Variants in PTPRT observed in about 807,000 individuals in gnomAD.
The protein encoded by PTPRT is receptor-type tyrosine-protein phosphatase T.
PTPRT carries 56 observed loss-of-function variants against 176.8 expected under a neutral mutation model. The ratio of observed to expected loss-of-function variants is 0.32; its 90% confidence interval spans 0.26 to 0.40. PTPRT has a LOEUF of 0.40. Among genes scored for constraint, PTPRT ranks in the 10% least tolerant of loss-of-function variants. PTPRT has a pLI of 1.00. For synonymous variants in PTPRT, 783 were observed against 739.0 expected (o/e 1.06, Z -0.96); for missense variants, 1,540 against 1,908.2 (o/e 0.81, Z 3.60).
intron 2 of PTPRT, among the ~76,000 whole-genome samples, chr20:42,793,617 G>A (rs75335178): frequency 3.9e-5 from 6 of 152,122 alleles, no homozygotes; most frequent in South Asian, 2.1e-4. Context: ...TTTTATGGCC[G>A]TGCAGTAACA....
chr20:42,644,489 T>A (rs1444206977), intron 7 of PTPRT, among the ~76,000 whole-genome samples: 1 of 152,168 alleles, frequency 6.6e-6, no homozygotes, highest in African/African-American at 2.4e-5. Flanking sequence ...CTTATCAATA[T>A]GCTCTTCATC....
chr20:42,086,751 A>C (rs2866945), intron 27 of PTPRT, among the ~76,000 whole-genome samples: 1 of 96,598 alleles, frequency 1.0e-5, no homozygotes, highest in South Asian at 3.7e-4. Context: ...AAAAAAAAAA[A>C]AAATATATAT....
At chr20:43,097,357 T>G (rs1027696634) in intron 1 of PTPRT, among the ~76,000 whole-genome samples, 1 of 152,206 alleles carries the variant, frequency 6.6e-6, no homozygotes. Context: ...AGAGTCATTG[T>G]GAGTACCTGC....
At chr20:42,136,420 C>A (rs1327112511) in intron 18 of PTPRT, among the ~76,000 whole-genome samples, 1 of 152,084 alleles carries the variant, frequency 6.6e-6, no homozygotes, top group Admixed American at 6.6e-5. Context: ...TAAAGGTCTG[C>A]ACATTCAATC....
intron 1 of PTPRT, among the ~76,000 whole-genome samples, chr20:42,914,653 C>T (rs1446451936): frequency 6.6e-6 from 1 of 152,100 alleles, no homozygotes; most frequent in African/African-American, 2.4e-5. Context: ...GAAACACAAA[C>T]GGATCAGTGC....
intron 7 of PTPRT, among the ~76,000 whole-genome samples, chr20:42,676,627 C>T (rs1387939320): frequency 6.6e-6 from 1 of 151,990 alleles, no homozygotes; most frequent in Non-Finnish European, 1.5e-5. Flanking sequence ...AGTGTAATTC[C>T]TGACCGTACC....
At chr20:43,116,844 G>T (rs1379298422) in intron 1 of PTPRT, among the ~76,000 whole-genome samples, 1 of 152,140 alleles carries the variant, frequency 6.6e-6, no homozygotes, top group African/African-American at 2.4e-5. Context: ...GACTCCATGT[G>T]GTTGAAGCAT....
At chr20:42,257,159 C>T (rs1198813524) in intron 13 of PTPRT, among the ~76,000 whole-genome samples, 1 of 152,190 alleles carries the variant, frequency 6.6e-6, no homozygotes, top group Non-Finnish European at 1.5e-5. Flanking sequence ...CTCTTTGCCA[C>T]TTTCGAGGGG....
chr20:42,321,934 G>A (rs193140293), intron 11 of PTPRT, among the ~76,000 whole-genome samples: 42 of 152,254 alleles, frequency 2.8e-4, no homozygotes, highest in African/African-American at 9.9e-4. Context: ...TTAGCCAGGC[G>A]CAGTGGTGGG....
At chr20:42,385,614 T>G (rs1178057601) in intron 9 of PTPRT, among the ~76,000 whole-genome samples, 1 of 152,204 alleles carries the variant, frequency 6.6e-6, no homozygotes, top group Non-Finnish European at 1.5e-5. Flanking sequence ...TACCTGAGAC[T>G]TGGTTATTTA....
chr20:42,220,242 C>T (rs2055855884), intron 15 of PTPRT, among the ~76,000 whole-genome samples: 1 of 152,000 alleles, frequency 6.6e-6, no homozygotes, highest in Admixed American at 6.6e-5. Context: ...CAAAGAAGAT[C>T]GAATCAAACA....
chr20:42,278,978 C>A lies in PTPRT; in HGVS notation c.2176+3511G>T, dbSNP rs181485593. Reference sequence around the variant, plus strand: ...TATGGTTCTAAATGATTCCCCTGCTCACTTGCCCTTTCTAACATTTCCTAT... The same window carrying A: ...TATGGTTCTAAATGATTCCCCTGCTAACTTGCCCTTTCTAACATTTCCTAT... On this transcript the variant is annotated intron_variant, in intron 13 of 30. Transcript: ENST00000373187. Among the ~76,000 whole-genome samples, 29 of 152,286 alleles carry A rather than the reference C, an allele frequency of 1.9e-4. No homozygotes were observed. The East Asian group carries it at 2.9e-3, about 15-fold the overall frequency.
intron 15 of PTPRT, among the ~76,000 whole-genome samples, chr20:42,210,421 CCTT>C (rs1427176670): frequency 2.0e-5 from 3 of 151,762 alleles, no homozygotes; most frequent in Non-Finnish European, 4.4e-5. Flanking sequence ...CCCAAAATCT[CCTT>C]AAGCTGATAA....
intron 7 of PTPRT, among the ~76,000 whole-genome samples, chr20:42,505,317 T>A (rs6016814): frequency 0.1 from 15,456 of 152,110 alleles, 1,642 homozygotes; most frequent in African/African-American, 0.27. Flanking sequence ...TTATTGTTAT[T>A]TTGAGATGGA....
intron 1 of PTPRT, among the ~76,000 whole-genome samples, chr20:42,999,334 TTC>T (rs1984398330): frequency 6.6e-6 from 1 of 152,200 alleles, no homozygotes; most frequent in African/African-American, 2.4e-5. Context: ...GGGTTTTTAT[TTC>T]TCTCTTTGGG....
chr20:42,347,598 T>A (rs2058213773), intron 11 of PTPRT, among the ~76,000 whole-genome samples: 1 of 152,044 alleles, frequency 6.6e-6, no homozygotes, highest in African/African-American at 2.4e-5. Flanking sequence ...ATGGGGATAG[T>A]TTAATAAGTG....
intron 18 of PTPRT, among the ~76,000 whole-genome samples, chr20:42,131,796 GGCT>G (rs1329925397): frequency 6.6e-6 from 1 of 152,202 alleles, no homozygotes; most frequent in Non-Finnish European, 1.5e-5. Flanking sequence ...GGGAATAGAG[GGCT>G]TTGTGTAGTG....
rs1313774100 is a variant in PTPRT, at chr20:42,161,497, T to A, written c.2537A>T (p.Gln846Leu). 5.0e-6 allele frequency: 8 copies of A among 1,613,414 alleles called. No individual in the cohort carries two copies. The highest frequency in any genetic ancestry group is 5.1e-6 in the Non-Finnish European group (6 of 1,179,658). The part of the protein sequence containing the change: ...GELSQPTLTI[Q>L]THPYRTCDPV... ...GTCACAGGTGCGGTAGGGATGAGTC[T>A]GGATCGTGAGGGTGGGCTGGGAAAG... is the stretch of plus-strand genomic sequence containing the variant. Residue 846 changes from glutamine to leucine, a missense_variant, in exon 17 of 31, where the codon CAG becomes CTG. Physicochemically the swap from Gln to Leu is moderately radical, Grantham distance 113. Coordinates refer to ENST00000373187, the MANE Select transcript of PTPRT (RefSeq NM_007050.6).
chr20:42,083,156 TGAGA>T (rs773794572), intron 29 of PTPRT, among the ~76,000 whole-genome samples: 31 of 74,432 alleles, frequency 4.2e-4, no homozygotes, highest in Non-Finnish European at 7.4e-4. Context: ...AAAACAAACA[TGAGA>T]GAGAGAGAGA....
Sources: gnomAD v4.1 joint callset for allele counts (sites outside exome capture counted in the v4.1 genomes callset) on GRCh38, gnomAD v4.1.1 for gene constraint, MANE v1.5 for transcripts, NCBI Gene and HGNC (gene_info 2026-07-23, HGNC 2026-07-21) for gene names.